The following SLC25A13 variants were observed in gnomAD, a reference collection of about 807,000 sequenced individuals.
SLC25A13 encodes the protein electrogenic aspartate/glutamate antiporter SLC25A13, mitochondrial.
Under a neutral mutation model 85.5 loss-of-function variants are expected in SLC25A13, and 70 were observed. The observed-to-expected ratio is 0.82, with a 90% CI of 0.68 to 1.00. The LOEUF (loss-of-function observed/expected upper bound fraction) is 1.00. Among genes scored for constraint, SLC25A13 ranks in the 50% least tolerant of loss-of-function variants. The probability of loss-of-function intolerance (pLI) is 0.00; values close to 1 mark genes in which losing one functional copy is unlikely to be tolerated. For missense variants in SLC25A13, 765 were observed against 819.8 expected (o/e 0.93, Z 0.82); for synonymous variants, 259 against 288.7 (o/e 0.90, Z 1.04).
chr7:96,263,026 G>GAA (rs5885951), intron 3 of SLC25A13, among the ~76,000 whole-genome samples: 2,154 of 133,210 alleles, frequency 0.016, 37 homozygotes, highest in Non-Finnish European at 0.023. Flanking sequence ...AACCATCTAG[G>GAA]AAAAAAAAAA....
At chr7:96,240,905 T>C (rs1796945317) in intron 3 of SLC25A13, among the ~76,000 whole-genome samples, 1 of 138,974 alleles carries the variant, frequency 7.2e-6, no homozygotes, top group African/African-American at 2.7e-5. Flanking sequence ...TAAATGAACT[T>C]AAGGGGAAGA....
intron 11 of SLC25A13, among the ~76,000 whole-genome samples, chr7:96,180,290 A>C (rs957139692): frequency 6.6e-6 from 1 of 152,194 alleles, no homozygotes; most frequent in Non-Finnish European, 1.5e-5. Context: ...CCATCAATAG[A>C]AACAAAAATT....
At chr7:96,131,176 T>C (rs1457735143) in intron 15 of SLC25A13, among the ~76,000 whole-genome samples, 3 of 152,134 alleles carry the variant, frequency 2.0e-5, no homozygotes, top group Admixed American at 2.0e-4. Context: ...CATGGTTAAT[T>C]ATTTTCTATC....
At chr7:96,267,751 T>G (rs1174502559) in intron 3 of SLC25A13, among the ~76,000 whole-genome samples, 3 of 149,644 alleles carry the variant, frequency 2.0e-5, no homozygotes, top group Non-Finnish European at 4.4e-5. Context: ...TAAGGGAGGT[T>G]GCAGTGAGCT....
chr7:96,130,439 C>T (rs1382288799), intron 15 of SLC25A13, among the ~76,000 whole-genome samples: 1 of 152,202 alleles, frequency 6.6e-6, no homozygotes, highest in African/African-American at 2.4e-5. Flanking sequence ...GCCTCACACA[C>T]ACTCTGTAGC....
At chr7:96,265,446 C>T (rs946894951) in intron 3 of SLC25A13, among the ~76,000 whole-genome samples, 6 of 152,120 alleles carry the variant, frequency 3.9e-5, no homozygotes, top group African/African-American at 1.4e-4. Flanking sequence ...AATGGTATCC[C>T]GTATCCTCTA....
rs964687172 is a variant in SLC25A13 at position 96,122,099 on chromosome 7, G to C, written c.1592-102C>G. ...GCCGTGGAAAGAAAGTTAAAAATCC[G>C]ATTCAATAAAATGCCTATTTTGCTG... is the stretch of plus-strand genomic sequence containing the variant. On this transcript the variant is annotated intron_variant, in intron 15 of 17. Transcript: ENST00000265631. 24 of 1,502,962 alleles carry C rather than the reference G, an allele frequency of 1.6e-5. No individual in the cohort carries two copies. In the Admixed American group the frequency reaches 2.9e-4, roughly 18 times the overall value. The allele number at this position is 1,502,962 out of a possible 1,614,324, so 93.1% of individuals were successfully genotyped here.
chr7:96,201,573 GGGACAAAAGGGA>G (rs1286012327), intron 5 of SLC25A13, among the ~76,000 whole-genome samples: 1 of 152,002 alleles, frequency 6.6e-6, no homozygotes, highest in Non-Finnish European at 1.5e-5. Context: ...GACAAGTTGG[GGGACAAAAGGGA>G]GAGGCAAATG....
intron 1 of SLC25A13, among the ~76,000 whole-genome samples, chr7:96,315,968 A>T (rs1011156870): frequency 5.9e-5 from 9 of 151,790 alleles, no homozygotes; most frequent in Admixed American, 1.3e-4. Flanking sequence ...AAAAAAAAAA[A>T]TTTTAATTAG....
In SLC25A13 at chr7:96,289,405, G is replaced by A. The variant is rs532809145; in HGVS notation, c.69+7493C>T. Among the ~76,000 whole-genome samples, 49 of 152,298 alleles carry A rather than the reference G, an allele frequency of 3.2e-4. No individual in the cohort carries two copies. In the South Asian group the frequency reaches 5.4e-3, roughly 17 times the overall value. On this transcript the variant is annotated intron_variant, in intron 2 of 17. Transcript: ENST00000265631. ...CACCGGCAACGGAACAAAGCTGGAC[G>A]GACAATGACTTTCACGAGTTGAGAG...
chr7:96,298,539 T>C (rs1799434905), intron 1 of SLC25A13, among the ~76,000 whole-genome samples: 1 of 152,170 alleles, frequency 6.6e-6, no homozygotes, highest in Admixed American at 6.5e-5. Flanking sequence ...GTTCAAACGA[T>C]TCTCCTGCCT....
intron 4 of SLC25A13, among the ~76,000 whole-genome samples, chr7:96,224,501 A>C (rs1177956213): frequency 6.6e-6 from 1 of 152,132 alleles, no homozygotes; most frequent in Non-Finnish European, 1.5e-5. Context: ...CTGGACACAG[A>C]CCATCTCCTC....
intron 13 of SLC25A13, among the ~76,000 whole-genome samples, chr7:96,154,579 G>C (rs1406399755): frequency 6.6e-6 from 1 of 152,150 alleles, no homozygotes; most frequent in Non-Finnish European, 1.5e-5. Context: ...TTACAGGCGT[G>C]AGCCACTGCA....
At chr7:96,130,106 GA>G (rs894095887) in intron 15 of SLC25A13, among the ~76,000 whole-genome samples, 4 of 151,806 alleles carry the variant, frequency 2.6e-5, no homozygotes, top group African/African-American at 4.8e-5. Flanking sequence ...AACCTTAAAT[GA>G]AAAAAAATCT....
chr7:96,248,522 C>T (rs1383367156), intron 3 of SLC25A13, among the ~76,000 whole-genome samples: 1 of 152,050 alleles, frequency 6.6e-6, no homozygotes, highest in Non-Finnish European at 1.5e-5. Context: ...GCACCTGTTT[C>T]CTAATGCAAA....
chr7:96,321,823 C>T (rs1800358098), intron 1 of SLC25A13, 119 bp downstream of exon 1: 3 of 1,297,634 alleles, frequency 2.3e-6, no homozygotes, highest in Admixed American at 5.8e-5. Context: ...GGAACGGCTG[C>T]CCGGCACCCC....
At chr7:96,200,546 C>A (rs1040652888) in intron 5 of SLC25A13, among the ~76,000 whole-genome samples, 4 of 151,904 alleles carry the variant, frequency 2.6e-5, no homozygotes, top group Non-Finnish European at 4.4e-5. Flanking sequence ...TACCTCCCCC[C>A]ACCCCCCATT....
intron 13 of SLC25A13, among the ~76,000 whole-genome samples, chr7:96,168,129 A>AAAAAAAAAAAAAAAAAAAG (rs1562810139): frequency 7.0e-6 from 1 of 143,570 alleles, no homozygotes; most frequent in Non-Finnish European, 1.5e-5. Context: ...AAAAAAAAAA[A>AAAAAAAAAAAAAAAAAAAG]GCACGTGTGC....
At chr7:96,232,841 T>C (rs1455694454) in intron 4 of SLC25A13, among the ~76,000 whole-genome samples, 2 of 152,304 alleles carry the variant, frequency 1.3e-5, no homozygotes, top group East Asian at 1.9e-4. Context: ...AGGGTTGAAA[T>C]GACTTGTCCT....
Sources: allele counts gnomAD v4.1 joint callset (sites outside exome capture counted in the v4.1 genomes callset), GRCh38; gene constraint gnomAD v4.1.1; transcripts MANE v1.5; gene names NCBI Gene and HGNC (gene_info 2026-07-23, HGNC 2026-07-21).